AQP7B: variants seen among roughly 807,000 people sequenced by gnomAD.
AQP7B encodes the protein aquaporin 7B.
the AQP7B span, chr2:94,603,541 A>G: frequency 6.4e-7 from 1 of 1,567,780 alleles, no homozygotes; most frequent in Admixed American, 1.8e-5. Context: ...CCTGCCCTCC[A>G]CCCCTCAGGA....
At chr2:94,601,670 A>G in the AQP7B span, among the ~76,000 whole-genome samples, 15 of 151,958 alleles carry the variant, frequency 9.9e-5, no homozygotes, top group South Asian at 6.2e-4. Flanking sequence ...GCAACCAGGA[A>G]CCCACAGCTG....
chr2:94,590,314 C>G, the AQP7B span, among the ~76,000 whole-genome samples: 1 of 152,164 alleles, frequency 6.6e-6, no homozygotes, highest in South Asian at 2.1e-4. Context: ...CCCACCCCAG[C>G]TGGGATTACA....
the AQP7B span, among the ~76,000 whole-genome samples, chr2:94,592,982 C>A: frequency 1.3e-5 from 2 of 151,810 alleles, no homozygotes; most frequent in Non-Finnish European, 2.9e-5. Flanking sequence ...CACCACAACA[C>A]CTGACTAATT....
the AQP7B span, chr2:94,603,129 C>T: frequency 6.4e-7 from 1 of 1,554,148 alleles, no homozygotes; most frequent in East Asian, 2.3e-5. Context: ...GGGGCAGTTC[C>T]TGGGCTCCTT....
At chr2:94,587,348 G>A in the AQP7B span, among the ~76,000 whole-genome samples, 1 of 152,212 alleles carries the variant, frequency 6.6e-6, no homozygotes, top group East Asian at 1.9e-4. Context: ...AGAAGATCAA[G>A]ATGCGCTTTA....
the AQP7B span, chr2:94,594,859 A>C: frequency 3.5e-5 from 54 of 1,545,886 alleles, no homozygotes; most frequent in African/African-American, 7.1e-4. Flanking sequence ...GTTCATGAGC[A>C]CATATGTCAT....
At chr2:94,603,412 C>G in the AQP7B span, 1 of 1,608,750 alleles carries the variant, frequency 6.2e-7, no homozygotes, top group Non-Finnish European at 8.5e-7. Context: ...GGGTGGAGAG[C>G]TGATGGTGAC....
At chr2:94,590,965 A>AG in the AQP7B span, among the ~76,000 whole-genome samples, 23 of 150,020 alleles carry the variant, frequency 1.5e-4, no homozygotes, top group South Asian at 6.4e-4. Context: ...AAAAAAAAAA[A>AG]AAAGAAAGAA....
the AQP7B span, among the ~76,000 whole-genome samples, chr2:94,589,206 G>T: frequency 6.7e-6 from 1 of 149,514 alleles, no homozygotes; most frequent in Admixed American, 6.7e-5. Context: ...ATGGGGTTTC[G>T]CCATGTTCGC....
chr2:94,589,418 T>C, the AQP7B span, among the ~76,000 whole-genome samples: 752 of 152,160 alleles, frequency 4.9e-3, 2 homozygotes, highest in African/African-American at 0.018. Context: ...CTCATCTTCA[T>C]GGCTTTGCTC....
the AQP7B span, chr2:94,603,557 C>A: frequency 6.5e-7 from 1 of 1,532,470 alleles, no homozygotes. Context: ...CAGGACAGAG[C>A]CAGCAGGGAG....
the AQP7B span, among the ~76,000 whole-genome samples, chr2:94,596,631 G>T: frequency 5.7e-3 from 870 of 152,310 alleles, 27 homozygotes; most frequent in Admixed American, 0.054. Context: ...CTTTGGAGCT[G>T]TGTTTGAATC....
chr2:94,598,582 G>A, the AQP7B span, among the ~76,000 whole-genome samples: 1 of 152,206 alleles, frequency 6.6e-6, no homozygotes, highest in Non-Finnish European at 1.5e-5. Context: ...GTGCAAAGCT[G>A]TATAGCTGCC....
the AQP7B span, chr2:94,604,178 TG>T: frequency 8.5e-7 from 1 of 1,175,956 alleles, no homozygotes. Flanking sequence ...GGGTGTTTCC[TG>T]GGGTAGCCTG....
the AQP7B span, among the ~76,000 whole-genome samples, chr2:94,595,537 G>A: frequency 6.6e-6 from 1 of 152,154 alleles, no homozygotes; most frequent in Non-Finnish European, 1.5e-5. Context: ...GTTGAAGGCT[G>A]GCAAGCAGGG....
At chr2:94,598,937 G>T in the AQP7B span, among the ~76,000 whole-genome samples, 1 of 152,122 alleles carries the variant, frequency 6.6e-6, no homozygotes, top group Non-Finnish European at 1.5e-5. Flanking sequence ...CGAGTAGCTG[G>T]GATTACAGGC....
the AQP7B span, among the ~76,000 whole-genome samples, chr2:94,592,812 CTTTTTTTTTTTTTTTTT>C: frequency 5.8e-5 from 3 of 51,708 alleles, no homozygotes; most frequent in Admixed American, 3.8e-4. Context: ...ATTAATTAAG[CTTTTTTTTTTTTTTTTT>C]TTTTTTTTTT....
chr2:94,601,307 G>A, the AQP7B span, among the ~76,000 whole-genome samples: 5 of 152,216 alleles, frequency 3.3e-5, no homozygotes, highest in African/African-American at 7.2e-5. Flanking sequence ...CAACGGGGAT[G>A]GGGAACATAG....
At chr2:94,600,434 A>C in the AQP7B span, among the ~76,000 whole-genome samples, 1 of 152,180 alleles carries the variant, frequency 6.6e-6, no homozygotes. Context: ...TCAATGTAAA[A>C]TTATTAGGAT....
Sources: gnomAD v4.1 joint callset for allele counts (sites outside exome capture counted in the v4.1 genomes callset) on GRCh38, gnomAD v4.1.1 for gene constraint, MANE v1.5 for transcripts, NCBI Gene and HGNC (gene_info 2026-07-23, HGNC 2026-07-21) for gene names.